The following ADAM18 variants were observed in gnomAD, a reference collection of about 807,000 sequenced individuals.
ADAM18 encodes the protein ADAM metallopeptidase domain 18, also known as disintegrin and metalloproteinase domain-containing protein 18.
ADAM18 carries 117 observed loss-of-function variants against 94.4 expected under a neutral mutation model. The ratio of observed to expected loss-of-function variants is 1.24; its 90% CI spans 1.07 to 1.45. The LOEUF is 1.45. ADAM18 is among the 40% of genes most tolerant of loss of function. The pLI is 0.00. For missense variants in ADAM18, 936 were observed against 880.0 expected (o/e 1.06, Z -0.81); for synonymous variants, 327 against 291.6 (o/e 1.12, Z -1.24).
At chr8:39,712,931 A>T (rs1412109639) in intron 18 of ADAM18, among the ~76,000 whole-genome samples, 2 of 152,186 alleles carry the variant, frequency 1.3e-5, no homozygotes, top group Non-Finnish European at 2.9e-5. Flanking sequence ...CAGAATTGGA[A>T]AAAACTACTT....
At chr8:39,645,885 A>G (rs191718885) in intron 11 of ADAM18, among the ~76,000 whole-genome samples, 69 of 152,278 alleles carry the variant, frequency 4.5e-4, no homozygotes, top group Admixed American at 5.9e-4. Flanking sequence ...TTGTGTGAAG[A>G]GATTTTAGTG....
intron 16 of ADAM18, among the ~76,000 whole-genome samples, chr8:39,684,744 T>C (rs1027795548): frequency 2.0e-5 from 3 of 152,226 alleles, no homozygotes; most frequent in African/African-American, 7.2e-5. Flanking sequence ...TATAATTTCT[T>C]ATAATTTCTT....
intron 12 of ADAM18, among the ~76,000 whole-genome samples, chr8:39,657,087 A>G (rs1820704677): frequency 6.6e-6 from 1 of 152,240 alleles, no homozygotes; most frequent in Admixed American, 6.5e-5. Flanking sequence ...AAATAGCCCA[A>G]ATATTCTTCT....
At chr8:39,628,941 C>T (rs1040978519) in intron 6 of ADAM18, among the ~76,000 whole-genome samples, 7 of 151,966 alleles carry the variant, frequency 4.6e-5, no homozygotes, top group Admixed American at 1.3e-4. Flanking sequence ...AGACAAATCA[C>T]AATATTTACC....
chr8:39,672,583 T>A (rs76306108), intron 14 of ADAM18, among the ~76,000 whole-genome samples: 3 of 151,906 alleles, frequency 2.0e-5, no homozygotes, highest in African/African-American at 7.3e-5. Flanking sequence ...CTGTGGAGAG[T>A]TGTCTCAGTA....
chr8:39,638,414 C>G, intron 9 of ADAM18, 51 bp from the exon 10 acceptor site: 2 of 1,264,758 alleles, frequency 1.6e-6, no homozygotes, highest in South Asian at 1.5e-5. Flanking sequence ...AATACATAAG[C>G]TTACAAATTG....
chr8:39,585,693 A>G (rs1023251647), intron 2 of ADAM18, among the ~76,000 whole-genome samples: 5 of 152,262 alleles, frequency 3.3e-5, no homozygotes, highest in Admixed American at 1.3e-4. Flanking sequence ...TAAATGATGT[A>G]GAAATTTGTC....
At position 39,723,806 on chromosome 8, in the gene ADAM18, T is replaced by C. The variant is rs777768019; in HGVS notation, c.2076T>C (p.Ser692=). The change falls in exon 19 of 20, where the codon AGT becomes AGC. Residue 692 remains serine, a synonymous_variant. Coordinates refer to ENST00000265707, the MANE Select transcript of ADAM18 (RefSeq NM_014237.3). The stretch of plus-strand genomic sequence containing the variant: ...ACTGGAACAACTGGTTTATTCTGAG[T>C]TTCTGCATTTTTCTGCCGTTTTTCA... The part of the protein sequence containing the change: ...NTHWNNWFIL[S]FCIFLPFFIV... The C allele has an allele frequency of 4.9e-5, 77 of 1,587,178 alleles. 1 individual carries two copies. Among genetic ancestry groups the C allele is most frequent in the Non-Finnish European group, 6.4e-5 (75 of 1,167,010 alleles).
intron 6 of ADAM18, among the ~76,000 whole-genome samples, chr8:39,621,048 G>A (rs1819600526): frequency 6.6e-6 from 1 of 151,932 alleles, no homozygotes. Flanking sequence ...ATAATGGACT[G>A]ATATCTAGAC....
chr8:39,605,340 C>A (rs1035462367), intron 2 of ADAM18, among the ~76,000 whole-genome samples: 1 of 152,128 alleles, frequency 6.6e-6, no homozygotes, highest in Non-Finnish European at 1.5e-5. Context: ...GATGCCATCA[C>A]AATAGGATCA....
intron 11 of ADAM18, among the ~76,000 whole-genome samples, chr8:39,645,908 A>G (rs567452526): frequency 7.9e-5 from 12 of 152,142 alleles, no homozygotes; most frequent in Non-Finnish European, 1.8e-4. Flanking sequence ...CAGTATTTGT[A>G]GCTTTTTGCA....
chr8:39,647,511 C>T (rs907292707), intron 11 of ADAM18, among the ~76,000 whole-genome samples: 2 of 152,144 alleles, frequency 1.3e-5, no homozygotes, highest in African/African-American at 4.8e-5. Context: ...TGGCCTTCCT[C>T]TATCTCAACT....
chr8:39,651,513 T>C (rs929552435), intron 12 of ADAM18, among the ~76,000 whole-genome samples: 2 of 152,186 alleles, frequency 1.3e-5, no homozygotes, highest in African/African-American at 4.8e-5. Context: ...GGAGTGGTGA[T>C]GACTCTTAAC....
chr8:39,610,878 T>A, intron 6 of ADAM18, 172 bp downstream of exon 6: 1 of 1,265,436 alleles, frequency 7.9e-7, no homozygotes, highest in Non-Finnish European at 1.0e-6. Context: ...GAAAGTTACA[T>A]ATTTCAAGCT....
chr8:39,649,311 G>A (rs139186064), intron 12 of ADAM18, among the ~76,000 whole-genome samples: 1 of 151,794 alleles, frequency 6.6e-6, no homozygotes, highest in Non-Finnish European at 1.5e-5. Flanking sequence ...ATCTCTATAT[G>A]TGTATATACA....
intron 12 of ADAM18, among the ~76,000 whole-genome samples, chr8:39,662,083 C>T (rs1297589232): frequency 1.3e-5 from 2 of 151,810 alleles, no homozygotes; most frequent in African/African-American, 4.8e-5. Context: ...TGCACAAATG[C>T]AAATTTATGC....
intron 14 of ADAM18, among the ~76,000 whole-genome samples, chr8:39,669,754 G>T (rs1460978190): frequency 1.3e-5 from 2 of 152,154 alleles, no homozygotes; most frequent in African/African-American, 4.8e-5. Flanking sequence ...TTGCTATTGT[G>T]AATAGTGCCA....
chr8:39,683,679 TTA>T (rs1232836053), intron 16 of ADAM18, among the ~76,000 whole-genome samples: 1 of 152,220 alleles, frequency 6.6e-6, no homozygotes, highest in Non-Finnish European at 1.5e-5. Flanking sequence ...TTCCATGAAC[TTA>T]TATGTCATCA....
chr8:39,649,378 A>G (rs1820465624), intron 12 of ADAM18, among the ~76,000 whole-genome samples: 1 of 148,926 alleles, frequency 6.7e-6, no homozygotes, highest in Non-Finnish European at 1.5e-5. Context: ...ACACACATAC[A>G]TGTATATATA....
Sources: gnomAD v4.1 joint callset for allele counts (sites outside exome capture counted in the v4.1 genomes callset) on GRCh38, gnomAD v4.1.1 for gene constraint, MANE v1.5 for transcripts, NCBI Gene and HGNC (gene_info 2026-07-23, HGNC 2026-07-21) for gene names.